SLF2: variants seen among roughly 807,000 people sequenced by gnomAD.
SLF2 encodes SMC5/6 complex localization factor 2, also known as SMC5-SMC6 complex localization factor protein 2.
A neutral mutation model predicts 124.3 loss-of-function variants in SLF2; 68 were observed. The observed-to-expected ratio is 0.55, with a 90% CI of 0.45 to 0.67. The LOEUF (loss-of-function observed/expected upper bound fraction) is 0.67. Among genes scored for constraint, SLF2 ranks in the 30% least tolerant of loss-of-function variants. SLF2 has a pLI of 0.00. For synonymous variants in SLF2, 480 were observed against 478.8 expected (o/e 1.00, Z -0.03); for missense variants, 1,246 against 1,373.7 (o/e 0.91, Z 1.47).
rs1450151536 is a variant in SLF2, at chr10:100,964,934, A to G, written c.*3022A>G. On this transcript the variant is annotated 3_prime_UTR_variant, in exon 20 of 20. Transcript: ENST00000238961. Reference sequence around the variant, plus strand: ...CCATGGTTATTCCTTACTCATGAACAGTGTCGGCGCACCTCATTATCTGTG... The same window carrying G: ...CCATGGTTATTCCTTACTCATGAACGGTGTCGGCGCACCTCATTATCTGTG... The G allele has an allele frequency of 6.6e-6, 1 of 152,468 alleles. No individual in the cohort carries two copies. The allele number at this position is 152,468 out of a possible 1,614,324, so 9.4% of individuals were successfully genotyped here.
intron 1 of SLF2, among the ~76,000 whole-genome samples, chr10:100,915,106 A>G (rs1849390401): frequency 6.6e-6 from 1 of 152,202 alleles, no homozygotes; most frequent in Admixed American, 6.5e-5. Flanking sequence ...ATTATTGCCA[A>G]TGTCAGAACT....
chr10:100,929,402 A>G lies in SLF2; in HGVS notation c.2128A>G (p.Ser710Gly), dbSNP rs1849684605. 6.2e-7 allele frequency: 1 copy of G among 1,612,692 alleles called. No individual in the cohort carries two copies. The highest frequency in any genetic ancestry group is 1.3e-5 in the African/African-American group (1 of 74,914). Residue 710 changes from serine to glycine, a missense_variant, in exon 7 of 20, where the codon AGT becomes GGT. Around this residue, in one of 3 missense-constraint regions of SLF2, gnomAD observed 535 missense variants for 632.8 expected, o/e 0.85. Coordinates refer to ENST00000238961, the MANE Select transcript of SLF2 (RefSeq NM_018121.4). The stretch of plus-strand genomic sequence containing the variant: ...CCCAATCAGAATTGGAGAAGAAGAC[A>G]GTACAGATGATGAGGATGGCCTCTT... The part of the protein sequence containing the change: ...KSPIRIGEED[S>G]TDDEDGLLEE...
Position 100,924,935 on chromosome 10 carries a change from T to C in SLF2, c.1934T>C (p.Leu645Pro). The C allele has an allele frequency of 3.7e-6, 6 of 1,613,954 alleles. No individual in the cohort carries two copies. The highest frequency in any genetic ancestry group is 4.2e-6 in the Non-Finnish European group (5 of 1,180,018). The change falls in exon 5 of 20, where the codon CTT (leucine) becomes CCT (proline). Residue 645 changes from leucine to proline, a missense_variant. By Grantham distance (98) the Leu-to-Pro change is moderately conservative (BLOSUM62 -3). Coordinates refer to ENST00000238961, the MANE Select transcript of SLF2 (RefSeq NM_018121.4). ...GCAGCTACAGGAAAGCCTCCTGCTCTTTCCAAGGGGCTTAGATCTCAGTCA... is the reference window on the plus strand; with the variant it reads ...GCAGCTACAGGAAAGCCTCCTGCTCCTTCCAAGGGGCTTAGATCTCAGTCA... The part of the protein sequence containing the change: ...TPAATGKPPA[L>P]SKGLRSQSSD...
At chr10:100,959,333 C>T in intron 18 of SLF2, 95 bp from the exon 19 acceptor site, 2 of 1,110,720 alleles carry the variant, frequency 1.8e-6, no homozygotes, top group Non-Finnish European at 1.2e-6. Flanking sequence ...GAGTGTGGGC[C>T]TGTTGCAGCT....
chr10:100,914,005 C>A, intron 1 of SLF2: 1 of 573,090 alleles, frequency 1.7e-6, no homozygotes, highest in Non-Finnish European at 2.2e-6. Flanking sequence ...AGCCAGAAAG[C>A]TATGAAAACC....
intron 9 of SLF2, among the ~76,000 whole-genome samples, chr10:100,932,708 TGTGTGTGTGTGTGCGCGCGCGC>T (rs1032763638): frequency 1.2e-5 from 1 of 84,838 alleles, no homozygotes; most frequent in African/African-American, 3.5e-5. Context: ...TGTGTGTGTG[TGTGTGTGTGTGTGCGCGCGCGC>T]GCGCGCGCAC....
At chr10:100,945,075 C>T (rs955704370) in intron 12 of SLF2, among the ~76,000 whole-genome samples, 1 of 151,688 alleles carries the variant, frequency 6.6e-6, no homozygotes, top group Non-Finnish European at 1.5e-5. Flanking sequence ...CAGTGTGAAA[C>T]ATTTTTAGTT....
chr10:100,929,460 T>C (rs2273654), intron 7 of SLF2, 21 bp downstream of exon 7: 640,284 of 1,556,748 alleles, frequency 0.41, 137,840 homozygotes, highest in Middle Eastern at 0.47. Context: ...TTTCATAATG[T>C]ATTTTACCTT....
chr10:100,916,799 A>T lies in SLF2; in HGVS notation c.414A>T (p.Leu138=), dbSNP rs752076007. ...IHESRRPCLS[L]ASKYLAKGTN... ...AGTCACGTCGGCCTTGTCTGTCACTAGCCTCCAAATATTTAGCCAAAGGAA... is the reference window on the plus strand; with the variant it reads ...AGTCACGTCGGCCTTGTCTGTCACTTGCCTCCAAATATTTAGCCAAAGGAA... The change falls in exon 3 of 20, where the codon CTA becomes CTT. Residue 138 remains leucine (L), a synonymous_variant. Coordinates refer to ENST00000238961, the MANE Select transcript of SLF2 (RefSeq NM_018121.4). 3.8e-5 allele frequency: 62 copies of T among 1,613,868 alleles called. No individual in the cohort carries two copies. Among genetic ancestry groups the T allele is most frequent in the Non-Finnish European group, 5.2e-5 (61 of 1,179,976 alleles).
At chr10:100,950,921 A>G (rs914935090) in intron 17 of SLF2, among the ~76,000 whole-genome samples, 168 bp downstream of exon 17, 2 of 152,140 alleles carry the variant, frequency 1.3e-5, no homozygotes, top group African/African-American at 4.8e-5. Context: ...GGGGCATGAT[A>G]ATGGTCTTGT....
intron 3 of SLF2, among the ~76,000 whole-genome samples, chr10:100,917,558 T>C (rs1338233222): frequency 1.3e-5 from 2 of 151,188 alleles, no homozygotes; most frequent in Non-Finnish European, 3.0e-5. Flanking sequence ...GTAAGCATTC[T>C]TTTTTTTTAA....
intron 13 of SLF2, among the ~76,000 whole-genome samples, chr10:100,945,788 C>G (rs868051293): frequency 1.6e-4 from 24 of 152,078 alleles, no homozygotes; most frequent in African/African-American, 5.3e-4. Flanking sequence ...AGAGACAAAG[C>G]CTTTGCCTTC....
chr10:100,950,470 G>T (rs954529420), intron 16 of SLF2, among the ~76,000 whole-genome samples: 2 of 152,176 alleles, frequency 1.3e-5, no homozygotes, highest in African/African-American at 4.8e-5. Context: ...TAGGGCAGTC[G>T]TGAGGTCATG....
At chr10:100,949,885 C>T (rs575679561) in intron 15 of SLF2, among the ~76,000 whole-genome samples, 191 bp from the exon 16 acceptor site, 33 of 152,098 alleles carry the variant, frequency 2.2e-4, no homozygotes, top group African/African-American at 7.7e-4. Context: ...TGTGAGCCAC[C>T]GTGCCCGACC....
chr10:100,943,295 T>C (rs1850015479), intron 11 of SLF2, among the ~76,000 whole-genome samples: 1 of 152,220 alleles, frequency 6.6e-6, no homozygotes, highest in Non-Finnish European at 1.5e-5. Flanking sequence ...GTGGGACATA[T>C]ATTCATATTT....
chr10:100,951,934 A>T (rs1459084047), intron 17 of SLF2, among the ~76,000 whole-genome samples: 1 of 152,094 alleles, frequency 6.6e-6, no homozygotes, highest in Non-Finnish European at 1.5e-5. Flanking sequence ...AACTATTCCA[A>T]TTCCTGTTTT....
At chr10:100,914,029 T>A in intron 1 of SLF2, 1 of 359,454 alleles carries the variant, frequency 2.8e-6, no homozygotes. Flanking sequence ...ACGTTTTCAG[T>A]AAGTTTGGCA....
chr10:100,922,209 G>A (rs990612647), intron 4 of SLF2, among the ~76,000 whole-genome samples: 1 of 152,134 alleles, frequency 6.6e-6, no homozygotes, highest in Admixed American at 6.5e-5. Context: ...CTCCAAGTAG[G>A]TGGGACTACA....
At chr10:100,926,062 C>T in intron 6 of SLF2, 43 bp downstream of exon 6, 2 of 1,613,710 alleles carry the variant, frequency 1.2e-6, no homozygotes, top group South Asian at 1.1e-5. Context: ...TAACATTTTG[C>T]TTGTTTGTGT....
Sources: gnomAD v4.1 joint callset for allele counts (sites outside exome capture counted in the v4.1 genomes callset) on GRCh38, gnomAD v4.1.1 for gene constraint, gnomAD v4.1.1 regional missense constraint, MANE v1.5 for transcripts, NCBI Gene and HGNC (gene_info 2026-07-23, HGNC 2026-07-21) for gene names.